FNDC3B: variants seen among roughly 807,000 people sequenced by gnomAD.
FNDC3B encodes fibronectin type III domain-containing protein 3B.
A neutral mutation model predicts 151.5 loss-of-function variants in FNDC3B; 12 were observed. That is an observed-to-expected ratio of 0.08 (90% CI 0.05 to 0.13). The LOEUF (loss-of-function observed/expected upper bound fraction) is 0.13, where lower values mean the gene tolerates loss of function less well. Among genes scored for constraint, FNDC3B ranks in the 10% least tolerant of loss-of-function variants. The pLI is 1.00. For synonymous variants in FNDC3B, 528 were observed against 549.0 expected, an observed-to-expected ratio of 0.96 and a Z score of 0.54; for missense variants, 1,214 against 1,505.3, an observed-to-expected ratio of 0.81 and a Z score of 3.20.
At chr3:172,244,304 TA>T (rs1395429031) in intron 4 of FNDC3B, among the ~76,000 whole-genome samples, 7 of 152,352 alleles carry the variant, frequency 4.6e-5, no homozygotes, top group Admixed American at 2.6e-4. Flanking sequence ...AATGAAGGCA[TA>T]TTTTTTTTGC....
intron 1 of FNDC3B, among the ~76,000 whole-genome samples, chr3:172,054,883 C>CT (rs1716836977): frequency 6.6e-6 from 1 of 152,180 alleles, no homozygotes; most frequent in Non-Finnish European, 1.5e-5. Context: ...CACTCAACTA[C>CT]TTCTTAAGAG....
chr3:172,281,486 G>T (rs1391803719), intron 6 of FNDC3B, among the ~76,000 whole-genome samples: 2 of 152,194 alleles, frequency 1.3e-5, no homozygotes, highest in African/African-American at 2.4e-5. Context: ...GTGGTCACCA[G>T]CAAGGTGGAA....
At chr3:172,063,677 A>T (rs1293750554) in intron 1 of FNDC3B, among the ~76,000 whole-genome samples, 2 of 152,260 alleles carry the variant, frequency 1.3e-5, no homozygotes, top group East Asian at 3.9e-4. Context: ...TGATCACATG[A>T]TGTTTTGAGG....
In FNDC3B at chr3:172,256,361, T is replaced by A. The variant is rs532069456; in HGVS notation, c.790+4820T>A. 3.3e-5 allele frequency among the ~76,000 whole-genome samples: 5 copies of A among 152,336 alleles called. No individual in the cohort carries two copies. The East Asian group carries it at 9.6e-4, about 29-fold the overall frequency. On this transcript the variant is annotated intron_variant, in intron 6 of 25. Coordinates refer to ENST00000415807, the MANE Select transcript of FNDC3B (RefSeq NM_022763.4). ...GAAAATATTTCAAGAGTTTTTGCCTTCCTTTTCTCTTCCTCTCCCAGCATT... is the reference window on the plus strand; with the variant it reads ...GAAAATATTTCAAGAGTTTTTGCCTACCTTTTCTCTTCCTCTCCCAGCATT...
At chr3:172,394,105 C>CAAAAAAA (rs1736152891) in intron 25 of FNDC3B, among the ~76,000 whole-genome samples, 3 of 6,228 alleles carry the variant, frequency 4.8e-4, no homozygotes, top group African/African-American at 9.7e-4. Context: ...GAGACTCCTT[C>CAAAAAAA]TAAAAAAAAA....
chr3:172,195,674 C>T (rs954896004), intron 3 of FNDC3B, among the ~76,000 whole-genome samples: 2 of 152,132 alleles, frequency 1.3e-5, no homozygotes, highest in African/African-American at 2.4e-5. Context: ...AGGTACAATG[C>T]AGAAGGGGTC....
At chr3:172,153,801 C>A (rs1722350099) in intron 3 of FNDC3B, among the ~76,000 whole-genome samples, 1 of 152,132 alleles carries the variant, frequency 6.6e-6, no homozygotes. Context: ...TTTGAGGAGG[C>A]CAGACTGGAC....
chr3:172,079,710 G>C (rs1405497596), intron 1 of FNDC3B, among the ~76,000 whole-genome samples: 1 of 152,204 alleles, frequency 6.6e-6, no homozygotes, highest in East Asian at 1.9e-4. Context: ...GAGGTGCTGG[G>C]TGTGGAGAGG....
intron 2 of FNDC3B, among the ~76,000 whole-genome samples, chr3:172,113,972 C>T (rs192829566): frequency 7.9e-5 from 12 of 152,328 alleles, no homozygotes; most frequent in African/African-American, 1.9e-4. Context: ...GACCCCGTGC[C>T]GTCATCTCAC....
chr3:172,137,139 T>G (rs959868754), intron 3 of FNDC3B, among the ~76,000 whole-genome samples: 2 of 152,152 alleles, frequency 1.3e-5, no homozygotes, highest in Non-Finnish European at 2.9e-5. Flanking sequence ...GCCTTCAGAT[T>G]AGGGACTGCT....
intron 23 of FNDC3B, among the ~76,000 whole-genome samples, chr3:172,365,112 C>T (rs892543102): frequency 2.0e-5 from 3 of 152,170 alleles, no homozygotes; most frequent in Non-Finnish European, 2.9e-5. Flanking sequence ...GATCTTGGCA[C>T]ATGGGTATCA....
chr3:172,160,722 T>C (rs1722727471), intron 3 of FNDC3B, among the ~76,000 whole-genome samples: 1 of 152,262 alleles, frequency 6.6e-6, no homozygotes, highest in Non-Finnish European at 1.5e-5. Flanking sequence ...TTTATTGTTA[T>C]AATATTGGCC....
chr3:172,045,492 G>A (rs774245855), intron 1 of FNDC3B, among the ~76,000 whole-genome samples: 1 of 152,208 alleles, frequency 6.6e-6, no homozygotes, highest in African/African-American at 2.4e-5. Flanking sequence ...TTTAGGCCTT[G>A]TATGTTACCT....
chr3:172,238,258 T>C (rs939363142), intron 4 of FNDC3B, among the ~76,000 whole-genome samples: 2 of 152,160 alleles, frequency 1.3e-5, no homozygotes, highest in Admixed American at 1.3e-4. Context: ...CTTGCTCAAG[T>C]GATCCTCCCA....
At chr3:172,041,311 C>T (rs963274854) in intron 1 of FNDC3B, among the ~76,000 whole-genome samples, 2 of 152,078 alleles carry the variant, frequency 1.3e-5, no homozygotes, top group Non-Finnish European at 2.9e-5. Flanking sequence ...AGTTTCCAGG[C>T]CTTCCTAGGG....
intron 2 of FNDC3B, chr3:172,126,827 A>T: frequency 3.6e-6 from 1 of 277,892 alleles, no homozygotes; most frequent in Non-Finnish European, 7.4e-6. Context: ...ATTACTTTTT[A>T]TTGCTGGCTT....
At chr3:172,095,753 C>T (rs1450968159) in intron 1 of FNDC3B, among the ~76,000 whole-genome samples, 1 of 151,784 alleles carries the variant, frequency 6.6e-6, no homozygotes, top group Non-Finnish European at 1.5e-5. Flanking sequence ...ACTATGAACA[C>T]TTTGGTGTAT....
intron 3 of FNDC3B, among the ~76,000 whole-genome samples, chr3:172,148,928 C>G (rs983573040): frequency 2.6e-5 from 4 of 152,192 alleles, no homozygotes; most frequent in African/African-American, 9.7e-5. Flanking sequence ...TGCATTCTAC[C>G]TATTCTTGGC....
At chr3:172,214,994 T>G (rs1008193694) in intron 3 of FNDC3B, among the ~76,000 whole-genome samples, 1 of 152,382 alleles carries the variant, frequency 6.6e-6, no homozygotes, top group African/African-American at 2.4e-5. Flanking sequence ...AATACATGAT[T>G]ATTACTTGTC....
Sources: gnomAD v4.1 joint callset for allele counts (sites outside exome capture counted in the v4.1 genomes callset) on GRCh38, gnomAD v4.1.1 for gene constraint, MANE v1.5 for transcripts, NCBI Gene and HGNC (gene_info 2026-07-23, HGNC 2026-07-21) for gene names.